COBL: variants seen among roughly 807,000 people sequenced by gnomAD.
COBL encodes the protein cordon-bleu WH2 repeat protein, also known as protein cordon-bleu.
A neutral mutation model predicts 98.8 loss-of-function variants in COBL; 51 were observed. The ratio of observed to expected loss-of-function variants is 0.52; its 90% CI spans 0.41 to 0.65. COBL has a LOEUF of 0.65. COBL is among the 30% of genes least tolerant of loss of function. The probability of loss-of-function intolerance (pLI) is 0.00; values close to 1 mark genes in which losing one functional copy is unlikely to be tolerated. For missense variants in COBL, 1,617 were observed against 1,617.5 expected, an observed-to-expected ratio of 1.00 and a Z score of 0.01; for synonymous variants, 634 against 651.7, an observed-to-expected ratio of 0.97 and a Z score of 0.41.
chr7:51,020,453 C>CG (rs1339017258), intron 12 of COBL, among the ~76,000 whole-genome samples: 1 of 152,146 alleles, frequency 6.6e-6, no homozygotes, highest in Non-Finnish European at 1.5e-5. Context: ...CGACAGTGCC[C>CG]GGACCCTAGT....
chr7:51,139,900 T>A (rs1433407197), intron 5 of COBL, among the ~76,000 whole-genome samples: 1 of 152,194 alleles, frequency 6.6e-6, no homozygotes, highest in Non-Finnish European at 1.5e-5. Flanking sequence ...TTTCCTTGGT[T>A]GTCTCCTGCT....
intron 3 of COBL, 64 bp from the exon 4 acceptor site, chr7:51,191,142 T>C: frequency 6.9e-7 from 1 of 1,448,224 alleles, no homozygotes; most frequent in Non-Finnish European, 9.5e-7. Context: ...TCAACTCTTG[T>C]GTCAATTTGA....
intron 5 of COBL, among the ~76,000 whole-genome samples, chr7:51,159,732 G>A (rs971605535): frequency 7.3e-5 from 11 of 151,604 alleles, no homozygotes; most frequent in Admixed American, 2.6e-4. Flanking sequence ...CTGGCATTAG[G>A]CCCTGTTTAT....
At chr7:51,229,648 A>G (rs1442211751) in intron 1 of COBL, among the ~76,000 whole-genome samples, 1 of 152,186 alleles carries the variant, frequency 6.6e-6, no homozygotes. Context: ...CCTCTCAGGC[A>G]TGATTTAGTA....
chr7:51,056,475 G>A (rs950008217), intron 7 of COBL, among the ~76,000 whole-genome samples: 1 of 152,136 alleles, frequency 6.6e-6, no homozygotes, highest in Non-Finnish European at 1.5e-5. Context: ...CCTGTCTGGT[G>A]TCTCTGCATC....
intron 5 of COBL, among the ~76,000 whole-genome samples, chr7:51,163,418 A>G (rs1296242292): frequency 6.6e-6 from 1 of 152,222 alleles, no homozygotes; most frequent in Non-Finnish European, 1.5e-5. Context: ...CACACAACTA[A>G]GCACAGTGCC....
At chr7:51,240,616 G>A (rs182355769) in intron 1 of COBL, among the ~76,000 whole-genome samples, 229 of 152,096 alleles carry the variant, frequency 1.5e-3, no homozygotes, top group African/African-American at 4.4e-3. Flanking sequence ...GCGCGATCGC[G>A]GCTCACTACA....
chr7:51,155,589 C>CAA (rs58500324), intron 5 of COBL, among the ~76,000 whole-genome samples: 404 of 30,796 alleles, frequency 0.013, 45 homozygotes, highest in East Asian at 0.024. Context: ...GACTCCATCT[C>CAA]AAAAAAAAAA....
At chr7:51,120,899 C>G (rs1797681033) in intron 6 of COBL, among the ~76,000 whole-genome samples, 1 of 152,126 alleles carries the variant, frequency 6.6e-6, no homozygotes, top group Non-Finnish European at 1.5e-5. Flanking sequence ...GAACAAACCA[C>G]AGTTTATCTA....
chr7:51,311,019 C>A (rs1802979972), intron 1 of COBL, among the ~76,000 whole-genome samples: 1 of 151,750 alleles, frequency 6.6e-6, no homozygotes, highest in Non-Finnish European at 1.5e-5. Flanking sequence ...CAATTGATGT[C>A]CTTTTTACAG....
In COBL at chr7:51,104,173, T is replaced by C. The variant is rs1247428781; in HGVS notation, c.958-18869A>G. Among the ~76,000 whole-genome samples, 8 of 152,264 alleles carry C rather than the reference T, an allele frequency of 5.3e-5. No homozygotes were observed. The East Asian group carries it at 9.6e-4, about 18-fold the overall frequency. On this transcript the variant is annotated intron_variant, in intron 6 of 12. Coordinates refer to ENST00000265136, the MANE Select transcript of COBL (RefSeq NM_015198.5). ...ACCTAATGTAGTTATTTCTTTATCA[T>C]ATTCTCATTTTCCAGAGACACCAGG...
chr7:51,288,422 C>CAAAAA (rs71021764), intron 1 of COBL, among the ~76,000 whole-genome samples: 1 of 102,762 alleles, frequency 9.7e-6, no homozygotes, highest in African/African-American at 3.7e-5. Context: ...CAACAGTCTC[C>CAAAAA]AAAAAAAAAA....
In COBL at chr7:51,022,651, CT is replaced by C. The variant is rs1472149122; in HGVS notation, c.3768+2457del. 5.3e-5 allele frequency: 8 copies of C among 152,328 alleles called. No individual in the cohort carries two copies. In the East Asian group the frequency reaches 1.4e-3, roughly 26 times the overall value. The allele number at this position is 152,328 out of a possible 1,614,324, so 9.4% of individuals were successfully genotyped here. On this transcript the variant is annotated intron_variant, in intron 12 of 12. Transcript: ENST00000265136. ...AGTCCCAATGTTATTATCTCCTCCG[CT>C]TGCTGGTTGTGGACCTCGGGCCAGC...
chr7:51,311,007 A>G (rs2129218436), intron 1 of COBL, among the ~76,000 whole-genome samples: 1 of 151,986 alleles, frequency 6.6e-6, no homozygotes, highest in South Asian at 2.1e-4. Context: ...GTTTCTCTAA[A>G]TCAATTGATG....
intron 1 of COBL, among the ~76,000 whole-genome samples, chr7:51,275,995 T>C (rs1209813194): frequency 6.6e-6 from 1 of 152,228 alleles, no homozygotes; most frequent in Non-Finnish European, 1.5e-5. Flanking sequence ...CTCATCCTTT[T>C]TCCTACAAAA....
intron 5 of COBL, among the ~76,000 whole-genome samples, chr7:51,174,830 C>T (rs1000328535): frequency 2.6e-5 from 4 of 152,196 alleles, no homozygotes; most frequent in African/African-American, 7.2e-5. Flanking sequence ...GTGTCCTAGG[C>T]AGTGAGGCTC....
intron 6 of COBL, among the ~76,000 whole-genome samples, chr7:51,129,675 G>A (rs1175975333): frequency 1.3e-5 from 2 of 152,100 alleles, no homozygotes; most frequent in Non-Finnish European, 2.9e-5. Context: ...GAGGGTGGAG[G>A]TGGCCAGCGA....
intron 5 of COBL, among the ~76,000 whole-genome samples, chr7:51,160,280 A>T (rs1786656647): frequency 6.6e-6 from 1 of 152,150 alleles, no homozygotes; most frequent in Admixed American, 6.5e-5. Context: ...CCAATAGTTG[A>T]TAGGAGTTTT....
intron 1 of COBL, among the ~76,000 whole-genome samples, chr7:51,247,195 G>C (rs917899603): frequency 1.3e-5 from 2 of 152,164 alleles, no homozygotes; most frequent in African/African-American, 4.8e-5. Context: ...GCCATCCATG[G>C]AGAAGACTCT....
Sources: allele counts gnomAD v4.1 joint callset (sites outside exome capture counted in the v4.1 genomes callset), GRCh38; gene constraint gnomAD v4.1.1; transcripts MANE v1.5; gene names NCBI Gene and HGNC (gene_info 2026-07-23, HGNC 2026-07-21).